Variants in DBF4 observed in about 807,000 individuals in gnomAD.
DBF4 encodes the protein protein DBF4 homolog A.
Under a neutral mutation model 76.6 loss-of-function variants are expected in DBF4, and 25 were observed. The ratio of observed to expected loss-of-function variants is 0.33; its 90% CI spans 0.24 to 0.46. DBF4 has a LOEUF of 0.46. Ranked by LOEUF, DBF4 falls within the 20% of genes least tolerant of loss-of-function variation. The pLI, the probability that DBF4 is intolerant of heterozygous loss-of-function variation, is 1.00. For synonymous variants in DBF4, 213 were observed against 258.0 expected, an observed-to-expected ratio of 0.83 and a Z score of 1.67; for missense variants, 638 against 760.8, an observed-to-expected ratio of 0.84 and a Z score of 1.90.
intron 6 of DBF4, among the ~76,000 whole-genome samples, chr7:87,888,950 A>G (rs1213527974): frequency 6.6e-6 from 1 of 152,218 alleles, no homozygotes; most frequent in Non-Finnish European, 1.5e-5. Flanking sequence ...ACAGGGATCT[A>G]AAAATAATAA....
chr7:87,881,458 T>C (rs539448312), intron 2 of DBF4, among the ~76,000 whole-genome samples: 1 of 152,324 alleles, frequency 6.6e-6, no homozygotes, highest in South Asian at 2.1e-4. Context: ...CATCCTCATG[T>C]TCTAACCTAG....
At chr7:87,887,669 C>G (rs1296545301) in intron 5 of DBF4, among the ~76,000 whole-genome samples, 2 of 152,164 alleles carry the variant, frequency 1.3e-5, no homozygotes, top group African/African-American at 4.8e-5. Context: ...TGAGGCAGCA[C>G]AGAGTATCAC....
intron 10 of DBF4, 130 bp from the exon 11 acceptor site, chr7:87,904,162 G>A: frequency 3.5e-6 from 3 of 851,918 alleles, no homozygotes; most frequent in Non-Finnish European, 5.2e-6. Flanking sequence ...TCTAGTAAAG[G>A]GTATTATCTT....
intron 10 of DBF4, among the ~76,000 whole-genome samples, chr7:87,903,436 G>A (rs1363507127): frequency 6.6e-6 from 1 of 152,190 alleles, no homozygotes; most frequent in South Asian, 2.1e-4. Flanking sequence ...TGAGCACTGG[G>A]TAATTGAGAT....
intron 6 of DBF4, among the ~76,000 whole-genome samples, chr7:87,894,181 C>T (rs530235477): frequency 1.3e-5 from 2 of 152,316 alleles, no homozygotes; most frequent in African/African-American, 4.8e-5. Flanking sequence ...TAGGGCTGGG[C>T]CTGGTGGCTC....
chr7:87,886,128 A>G (rs1839343202), intron 3 of DBF4, among the ~76,000 whole-genome samples: 1 of 152,202 alleles, frequency 6.6e-6, no homozygotes, highest in Admixed American at 6.5e-5. Context: ...AGAAAGGACC[A>G]TGCATTCTCT....
chr7:87,898,130 G>T (rs1306075222), intron 8 of DBF4, among the ~76,000 whole-genome samples: 1 of 152,228 alleles, frequency 6.6e-6, no homozygotes, highest in Non-Finnish European at 1.5e-5. Context: ...TGCCATGAGA[G>T]AATTAGATTA....
At position 87,908,880 on chromosome 7, in the gene DBF4, G is replaced by C. The variant is rs542166008; in HGVS notation, c.*717G>C. The C allele has an allele frequency of 3.3e-5, 5 of 152,356 alleles. No individual in the cohort carries two copies. The highest frequency in any genetic ancestry group is 1.2e-4 in the African/African-American group (5 of 41,568). The allele number at this position is 152,356 out of a possible 1,614,324, so 9.4% of individuals were successfully genotyped here. A position where few individuals can be genotyped will look rare whatever the true frequency, so the allele number is the denominator to read the frequency against. On this transcript the variant is annotated 3_prime_UTR_variant, in exon 12 of 12. Coordinates refer to ENST00000265728, the MANE Select transcript of DBF4 (RefSeq NM_006716.4). Reference sequence around the variant, plus strand: ...GCTGATCACGAGGTCAGAAGATCAAGACCATCCTGGCCAACATGGTGAAAC... The same window carrying C: ...GCTGATCACGAGGTCAGAAGATCAACACCATCCTGGCCAACATGGTGAAAC...
chr7:87,902,908 T>G (rs908633529), intron 10 of DBF4, among the ~76,000 whole-genome samples: 1 of 152,158 alleles, frequency 6.6e-6, no homozygotes, highest in African/African-American at 2.4e-5. Context: ...TTAGGTTCTT[T>G]AATGGTCATC....
At chr7:87,884,212 T>C (rs1839287506) in intron 2 of DBF4, among the ~76,000 whole-genome samples, 1 of 152,204 alleles carries the variant, frequency 6.6e-6, no homozygotes, top group African/African-American at 2.4e-5. Context: ...AAATTTAAAG[T>C]CTTTAAAATC....
Position 87,909,526 on chromosome 7 carries a change from AAG to A in DBF4, c.*1366_*1367del, listed in dbSNP as rs1403045496. 2 of 152,228 alleles carry A rather than the reference AAG, an allele frequency of 1.3e-5. No individual in the cohort carries two copies. Among genetic ancestry groups the A allele is most frequent in the African/African-American group, 4.8e-5 (2 of 41,454 alleles). The allele number at this position is 152,228 out of a possible 1,614,324, so 9.4% of individuals were successfully genotyped here. Reference sequence around the variant, plus strand: ...CCAGTACCTGAAGTAGGCTCAATAAAAGAGTCTTTACAGTGCATACACGCAAA... The same window carrying A: ...CCAGTACCTGAAGTAGGCTCAATAAAAGTCTTTACAGTGCATACACGCAAA... On this transcript the variant is annotated 3_prime_UTR_variant, in exon 12 of 12. Coordinates refer to ENST00000265728, the MANE Select transcript of DBF4 (RefSeq NM_006716.4).
At chr7:87,904,590 A>T (rs1176687233) in intron 11 of DBF4, among the ~76,000 whole-genome samples, 174 bp downstream of exon 11, 1 of 151,812 alleles carries the variant, frequency 6.6e-6, no homozygotes. Context: ...AAAAATAAAA[A>T]ATTAGCCGGG....
intron 10 of DBF4, among the ~76,000 whole-genome samples, chr7:87,903,417 ACT>A (rs1196183027): frequency 6.6e-6 from 1 of 151,910 alleles, no homozygotes; most frequent in Non-Finnish European, 1.5e-5. Flanking sequence ...ACTTCTGTAT[ACT>A]CTGTTATGAG....
At chr7:87,906,158 A>AAAAAAAC (rs542045561) in intron 11 of DBF4, among the ~76,000 whole-genome samples, 1 of 151,988 alleles carries the variant, frequency 6.6e-6, no homozygotes, top group Non-Finnish European at 1.5e-5. Context: ...TCTGTCTCAA[A>AAAAAAAC]AAAAAACAAA....
At chr7:87,879,186 T>G (rs1839148157) in intron 2 of DBF4, among the ~76,000 whole-genome samples, 1 of 152,166 alleles carries the variant, frequency 6.6e-6, no homozygotes, top group Non-Finnish European at 1.5e-5. Flanking sequence ...TAACCTCAGG[T>G]GATTTGCCCA....
At chr7:87,897,113 G>C (rs1839660621) in intron 7 of DBF4, among the ~76,000 whole-genome samples, 181 bp from the exon 8 acceptor site, 1 of 152,082 alleles carries the variant, frequency 6.6e-6, no homozygotes, top group Admixed American at 6.5e-5. Context: ...GAATATAGGA[G>C]AGAGCTTCTG....
Position 87,876,790 on chromosome 7 carries a change from C to A in DBF4, c.46+12C>A. The A allele has an allele frequency of 6.2e-7, 1 of 1,614,048 alleles. No individual in the cohort carries two copies. Among genetic ancestry groups the A allele is most frequent in the South Asian group, 1.1e-5 (1 of 91,076 alleles). On this transcript the variant is annotated intron_variant, in intron 1 of 11. Transcript: ENST00000265728. ...AGGACATTTCCAGGGTAAGAAGCCC[C>A]TCCTCCGCCTGCAGTCCCTTTAATC... is the stretch of plus-strand genomic sequence containing the variant.
chr7:87,888,245 TC>T, intron 6 of DBF4, 186 bp downstream of exon 6: 1 of 965,928 alleles, frequency 1.0e-6, no homozygotes, highest in South Asian at 4.8e-5. Context: ...TAAAAGTTGT[TC>T]CTGGAATAGT....
At chr7:87,898,202 C>T (rs1839687647) in intron 8 of DBF4, among the ~76,000 whole-genome samples, 1 of 152,190 alleles carries the variant, frequency 6.6e-6, no homozygotes, top group South Asian at 2.1e-4. Flanking sequence ...TGGGTACTCA[C>T]ACTGAGGCGA....
Sources: gnomAD v4.1 joint callset for allele counts (sites outside exome capture counted in the v4.1 genomes callset) on GRCh38, gnomAD v4.1.1 for gene constraint, MANE v1.5 for transcripts, NCBI Gene and HGNC (gene_info 2026-07-23, HGNC 2026-07-21) for gene names.